Variants in MARCO observed in about 807,000 individuals in gnomAD.
MARCO encodes the protein macrophage receptor with collagenous structure, also known as macrophage receptor MARCO.
A neutral mutation model predicts 70.0 loss-of-function variants in MARCO; 72 were observed. The ratio of observed to expected loss-of-function variants is 1.03; its 90% confidence interval spans 0.85 to 1.25. The LOEUF is 1.25. Ranked by LOEUF, MARCO falls within the 50% of genes most tolerant of loss-of-function variation. The probability of loss-of-function intolerance (pLI) is 0.00; values close to 1 mark genes in which losing one functional copy is unlikely to be tolerated. For synonymous variants in MARCO, 273 were observed against 243.1 expected (o/e 1.12, Z -1.14); for missense variants, 696 against 659.3 (o/e 1.06, Z -0.61).
At chr2:118,956,333 G>T (rs77443357) in intron 1 of MARCO, among the ~76,000 whole-genome samples, 1 of 152,160 alleles carries the variant, frequency 6.6e-6, no homozygotes. Context: ...AAAGTGAGCA[G>T]GGGTAGATAT....
chr2:118,986,678 AAAGAAAGAAAGAAAG>A (rs1680507589), intron 12 of MARCO, among the ~76,000 whole-genome samples: 1 of 53,520 alleles, frequency 1.9e-5, no homozygotes, highest in African/African-American at 7.9e-5. Flanking sequence ...GGAAGGAAAG[AAAGAAAGAAAGAAAG>A]AAAGAAAGAA....
intron 15 of MARCO, among the ~76,000 whole-genome samples, 164 bp downstream of exon 15, chr2:118,992,640 A>C (rs1426007427): frequency 6.6e-6 from 1 of 151,930 alleles, no homozygotes; most frequent in Non-Finnish European, 1.5e-5. Context: ...GGCACAGAGC[A>C]GCAGTTTCTC....
intron 1 of MARCO, among the ~76,000 whole-genome samples, chr2:118,957,780 A>ACAAAATCCT (rs1679866324): frequency 6.6e-6 from 1 of 151,716 alleles, no homozygotes; most frequent in African/African-American, 2.4e-5. Flanking sequence ...GTTATGGTGG[A>ACAAAATCCT]TATCATAAAG....
At chr2:118,959,732 C>G (rs1032684169) in intron 1 of MARCO, among the ~76,000 whole-genome samples, 4 of 151,340 alleles carry the variant, frequency 2.6e-5, no homozygotes, top group Non-Finnish European at 5.9e-5. Context: ...CATGGAACCC[C>G]AACAAGTGGA....
intron 10 of MARCO, 116 bp downstream of exon 10, chr2:118,981,772 G>A (rs1680397271): frequency 2.7e-6 from 3 of 1,121,068 alleles, no homozygotes; most frequent in Non-Finnish European, 4.0e-6. Flanking sequence ...CAGAACACCT[G>A]GGGTTTTTTA....
intron 10 of MARCO, 96 bp downstream of exon 10, chr2:118,981,752 A>G: frequency 7.9e-7 from 1 of 1,266,768 alleles, no homozygotes; most frequent in Non-Finnish European, 1.1e-6. Context: ...GCTTCATTGT[A>G]GTATTCACCC....
Position 118,991,852 on chromosome 2 carries a change from A to C in MARCO, c.1184A>C (p.Gln395Pro). Residue 395 changes from glutamine to proline, a missense_variant, in exon 14 of 17, where the codon CAG becomes CCG. Transcript: ENST00000327097. ...GPKGAPGQAGQKGDQGVKGSS... is the reference protein window; with the variant it reads ...GPKGAPGQAGPKGDQGVKGSS... ...AAGGGAGCCCCTGGACAAGCTGGCC[A>C]GAAGGGAGACCAGGGAGTGAAAGGT... 1 of 1,599,922 alleles carries C rather than the reference A, an allele frequency of 6.3e-7. No homozygotes were observed. Among genetic ancestry groups the C allele is most frequent in the Admixed American group, 1.7e-5 (1 of 57,562 alleles).
chr2:118,980,474 T>C (rs2104594518), intron 8 of MARCO, among the ~76,000 whole-genome samples: 1 of 152,322 alleles, frequency 6.6e-6, no homozygotes, highest in Non-Finnish European at 1.5e-5. Context: ...CTCTCTCCCC[T>C]TTTCTAATTC....
chr2:118,992,176 TC>T (rs552138697), intron 14 of MARCO, among the ~76,000 whole-genome samples: 58 of 152,250 alleles, frequency 3.8e-4, no homozygotes, highest in African/African-American at 1.3e-3. Context: ...CCCATCCCAC[TC>T]CATATCTCTG....
intron 6 of MARCO, 145 bp downstream of exon 6, chr2:118,974,710 G>A (rs1403123251): frequency 3.7e-6 from 3 of 817,584 alleles, no homozygotes; most frequent in South Asian, 3.6e-5. Flanking sequence ...GACCCCAGAG[G>A]GGATGAGAGG....
intron 9 of MARCO, 29 bp from the exon 10 acceptor site, chr2:118,981,592 A>G (rs1184551229): frequency 6.2e-7 from 1 of 1,610,866 alleles, no homozygotes; most frequent in Non-Finnish European, 8.5e-7. Context: ...AAGGAAAAAA[A>G]AATTCCTAAA....
chr2:118,990,569 C>CGGGGGGGGGGGGGGGGGG lies in MARCO; in HGVS notation c.1064-20_1064-19insGGGGGGGGGGGGGGGGGG. The CGGGGGGGGGGGGGGGGGG allele has an allele frequency of 7.1e-7, 1 of 1,415,982 alleles. No homozygotes were observed. The highest frequency in any genetic ancestry group is 9.7e-7 in the Non-Finnish European group (1 of 1,028,336). The allele number at this position is 1,415,982 out of a possible 1,614,324, so 87.7% of individuals were successfully genotyped here. A position where few individuals can be genotyped will look rare whatever the true frequency, so the allele number is the denominator to read the frequency against. On this transcript the variant is annotated intron_variant, in intron 12 of 16. Coordinates refer to ENST00000327097, the MANE Select transcript of MARCO (RefSeq NM_006770.4). ...AGTTTTATTATCTCCTCCCCCCCCC[C>CGGGGGGGGGGGGGGGGGG]TTTTTTGTTTTGATCTTAGGACTTC...
At chr2:118,969,374 T>A in intron 2 of MARCO, 113 bp downstream of exon 2, 1 of 746,314 alleles carries the variant, frequency 1.3e-6, no homozygotes, top group Admixed American at 2.2e-5. Flanking sequence ...ACTGCTCCCA[T>A]CTGCTGGGAG....
At chr2:118,974,689 G>T (rs1199671737) in intron 6 of MARCO, 124 bp downstream of exon 6, 1 of 951,348 alleles carries the variant, frequency 1.1e-6, no homozygotes, top group Admixed American at 2.7e-5. Flanking sequence ...GTGAACGGAG[G>T]CCTGGTGGGA....
chr2:118,968,771 A>G (rs1017357173), intron 1 of MARCO, among the ~76,000 whole-genome samples: 6 of 152,198 alleles, frequency 3.9e-5, no homozygotes, highest in Admixed American at 6.5e-5. Flanking sequence ...GCCAAATGGG[A>G]ACAACCCTCC....
At position 118,970,206 on chromosome 2, in the gene MARCO, C is replaced by T. The variant is rs753841633; in HGVS notation, c.292C>T (p.Gln98Ter). Reference sequence around the variant, plus strand: ...GGACAGCCCGTCCTTCTCCTTGCTGCAGTCAGCACACCCTGGAGAACACCT... The same window carrying T: ...GGACAGCCCGTCCTTCTCCTTGCTGTAGTCAGCACACCCTGGAGAACACCT... ...AEDSPSFSLLQSAHPGEHLAQ... is the reference protein window; with the variant it reads ...AEDSPSFSLL Residue 98 changes from glutamine (Q) to a stop codon, truncating the protein, a stop_gained, in exon 3 of 17, where the codon CAG becomes TAG. Coordinates refer to ENST00000327097, the MANE Select transcript of MARCO (RefSeq NM_006770.4). LOFTEE classifies it high-confidence loss of function. The T allele has an allele frequency of 1.2e-6, 2 of 1,614,122 alleles. No homozygotes were observed. Among genetic ancestry groups the T allele is most frequent in the Non-Finnish European group, 1.7e-6 (2 of 1,180,014 alleles).
At chr2:118,980,254 C>T (rs1680364012) in intron 8 of MARCO, among the ~76,000 whole-genome samples, 1 of 152,232 alleles carries the variant, frequency 6.6e-6, no homozygotes, top group Admixed American at 6.5e-5. Flanking sequence ...CCAAGAACAG[C>T]CTCCTCTGCT....
chr2:118,989,687 G>A (rs1205321796), intron 12 of MARCO, among the ~76,000 whole-genome samples: 2 of 152,200 alleles, frequency 1.3e-5, no homozygotes, highest in African/African-American at 2.4e-5. Context: ...CAACTGCAAG[G>A]AGGTTGACTG....
intron 1 of MARCO, among the ~76,000 whole-genome samples, chr2:118,949,086 G>A (rs1270710928): frequency 6.6e-6 from 1 of 152,234 alleles, no homozygotes; most frequent in Non-Finnish European, 1.5e-5. Context: ...GGTTTTGGAA[G>A]ATGGAGGCTG....
Sources: allele counts gnomAD v4.1 joint callset (sites outside exome capture counted in the v4.1 genomes callset), GRCh38; gene constraint gnomAD v4.1.1; transcripts MANE v1.5; gene names NCBI Gene and HGNC (gene_info 2026-07-23, HGNC 2026-07-21).